Variants in DDX19A observed in about 807,000 individuals in gnomAD.
The protein encoded by DDX19A is DEAD-box helicase 19A.
A neutral mutation model predicts 60.6 loss-of-function variants in DDX19A; 12 were observed. That is an observed-to-expected ratio of 0.20 (90% confidence interval 0.13 to 0.32). The LOEUF is 0.32. Among genes scored for constraint, DDX19A ranks in the 10% least tolerant of loss-of-function variants. The pLI is 1.00. For missense variants in DDX19A, 337 were observed against 600.6 expected, an observed-to-expected ratio of 0.56 and a Z score of 4.59; for synonymous variants, 206 against 218.2, an observed-to-expected ratio of 0.94 and a Z score of 0.49.
chr16:70,358,493 T>A (rs561512929), intron 4 of DDX19A, among the ~76,000 whole-genome samples: 162 of 149,140 alleles, frequency 1.1e-3, no homozygotes, highest in Admixed American at 1.7e-3. Context: ...TTTTTTTTTT[T>A]AATAGGATGA....
intron 4 of DDX19A, among the ~76,000 whole-genome samples, chr16:70,357,362 G>GTTTTTTTTTTTT (rs1248365917): frequency 1.4e-4 from 7 of 48,876 alleles, no homozygotes; most frequent in East Asian, 6.7e-4. Flanking sequence ...TCTGTTTTTG[G>GTTTTTTTTTTTT]TTTGTTTTTT....
At chr16:70,357,366 G>GTTGTTTTTTTTTTTTTTTTTTTTTTT (rs1964236868) in intron 4 of DDX19A, among the ~76,000 whole-genome samples, 1 of 44,596 alleles carries the variant, frequency 2.2e-5, no homozygotes, top group African/African-American at 8.9e-5. Context: ...TTTTTGGTTT[G>GTTGTTTTTTTTTTTTTTTTTTTTTTT]TTTTTTTTTT....
At chr16:70,362,389 G>A (rs962026424) in intron 5 of DDX19A, among the ~76,000 whole-genome samples, 2 of 147,772 alleles carry the variant, frequency 1.4e-5, no homozygotes, top group African/African-American at 2.5e-5. Flanking sequence ...TTATTTTGAT[G>A]TGAATGGTGT....
intron 4 of DDX19A, among the ~76,000 whole-genome samples, chr16:70,358,438 A>G (rs1597530130): frequency 6.7e-6 from 1 of 148,612 alleles, no homozygotes; most frequent in Non-Finnish European, 1.5e-5. Flanking sequence ...CAAAATTGCT[A>G]GGATTACAGG....
At chr16:70,355,463 T>A (rs376658025) in intron 2 of DDX19A, 22 bp from the exon 3 acceptor site, 218 of 1,595,858 alleles carry the variant, frequency 1.4e-4, no homozygotes, top group Non-Finnish European at 1.8e-4. Context: ...TTTCTAATTA[T>A]GACAATTGTT....
intron 5 of DDX19A, chr16:70,364,260 G>T: frequency 5.8e-6 from 2 of 346,798 alleles, no homozygotes; most frequent in Non-Finnish European, 1.1e-5. Flanking sequence ...TGATTTCCCT[G>T]TGCCCCTTGG....
intron 1 of DDX19A, among the ~76,000 whole-genome samples, chr16:70,348,581 T>C (rs1244970240): frequency 7.1e-6 from 1 of 141,496 alleles, no homozygotes; most frequent in Non-Finnish European, 1.5e-5. Context: ...GAGCCAAAAT[T>C]ACGCCACTGC....
At chr16:70,364,925 A>G in intron 6 of DDX19A, 92 bp from the exon 7 acceptor site, 1 of 956,576 alleles carries the variant, frequency 1.0e-6, no homozygotes, top group Non-Finnish European at 1.7e-6. Context: ...TCCCTGTGCT[A>G]TTCAAGTGCT....
intron 2 of DDX19A, among the ~76,000 whole-genome samples, chr16:70,351,432 C>T: frequency 6.6e-6 from 1 of 152,032 alleles, no homozygotes; most frequent in Non-Finnish European, 1.5e-5. Context: ...GTCTTGACCT[C>T]CTGAGCTCAA....
At chr16:70,365,928 C>T in intron 7 of DDX19A, 157 bp from the exon 8 acceptor site, 3 of 1,109,622 alleles carry the variant, frequency 2.7e-6, no homozygotes, top group Non-Finnish European at 3.9e-6. Context: ...CTGCCCACTT[C>T]ACAGCAGAAG....
intron 1 of DDX19A, among the ~76,000 whole-genome samples, chr16:70,349,488 G>A (rs920586583): frequency 1.3e-5 from 2 of 152,188 alleles, no homozygotes; most frequent in African/African-American, 2.4e-5. Flanking sequence ...GTCCAAGTTC[G>A]CAGGTGACAG....
chr16:70,370,088 T>C (rs1964636992), intron 9 of DDX19A, 135 bp from the exon 10 acceptor site: 3 of 1,277,352 alleles, frequency 2.3e-6, no homozygotes, highest in East Asian at 5.1e-5. Flanking sequence ...TCCCAGCCCT[T>C]TGGGAAGCCA....
intron 6 of DDX19A, 140 bp downstream of exon 6, chr16:70,364,785 T>G: frequency 2.8e-6 from 2 of 709,874 alleles, no homozygotes; most frequent in Non-Finnish European, 4.8e-6. Context: ...CACCAGGCCC[T>G]GACCTGGGAG....
intron 1 of DDX19A, 107 bp downstream of exon 1, chr16:70,347,155 C>A (rs1017292665): frequency 2.3e-5 from 26 of 1,119,774 alleles, no homozygotes; most frequent in Non-Finnish European, 3.1e-5. Context: ...GCAACGCGCT[C>A]CTGCAGTTTG....
At chr16:70,349,518 A>G (rs1187769277) in intron 1 of DDX19A, among the ~76,000 whole-genome samples, 2 of 152,206 alleles carry the variant, frequency 1.3e-5, no homozygotes, top group Non-Finnish European at 1.5e-5. Flanking sequence ...AGCCTTGCAA[A>G]TAGGCTTTCC....
At chr16:70,356,746 A>C (rs1597527691) in intron 4 of DDX19A, 1 of 430,752 alleles carries the variant, frequency 2.3e-6, no homozygotes, top group Admixed American at 4.6e-5. Flanking sequence ...TTAATCTCCC[A>C]CCCTTGTGTC....
chr16:70,346,943 A>T lies in DDX19A; in HGVS notation c.-49A>T. ...TGGCGAGGTTAGGGCCCGCGTTGCG[A>T]CGTGGTGCAGCGCATATTTTCACAA... is the stretch of plus-strand genomic sequence containing the variant. On this transcript the variant is annotated 5_prime_UTR_variant, in exon 1 of 12. Coordinates refer to ENST00000302243, the MANE Select transcript of DDX19A (RefSeq NM_018332.5). 1 of 1,575,950 alleles carries T rather than the reference A, an allele frequency of 6.3e-7. No homozygotes were observed. Among genetic ancestry groups the T allele is most frequent in the Non-Finnish European group, 8.6e-7 (1 of 1,156,428 alleles).
At chr16:70,349,357 T>G (rs1269114601) in intron 1 of DDX19A, among the ~76,000 whole-genome samples, 2 of 152,166 alleles carry the variant, frequency 1.3e-5, no homozygotes, top group African/African-American at 4.8e-5. Context: ...TGTACCAGAA[T>G]TCCAGACTTC....
intron 5 of DDX19A, chr16:70,364,062 TC>T (rs370791680): frequency 6.5e-6 from 1 of 153,652 alleles, no homozygotes; most frequent in African/African-American, 2.4e-5. Flanking sequence ...TGCCACCTAT[TC>T]CCATGATGCT....
Sources: allele counts gnomAD v4.1 joint callset (sites outside exome capture counted in the v4.1 genomes callset), GRCh38; gene constraint gnomAD v4.1.1; transcripts MANE v1.5; gene names NCBI Gene and HGNC (gene_info 2026-07-23, HGNC 2026-07-21).